Variants in MYH14 observed in about 807,000 individuals in gnomAD.
The protein encoded by MYH14 is myosin heavy chain 14.
Under a neutral mutation model 255.5 loss-of-function variants are expected in MYH14, and 123 were observed. The ratio of observed to expected loss-of-function variants is 0.48; its 90% CI spans 0.42 to 0.56. The LOEUF is 0.56. MYH14 is among the 20% of genes least tolerant of loss of function. The pLI, the probability that MYH14 is intolerant of heterozygous loss-of-function variation, is 0.00. For missense variants in MYH14, 2,423 were observed against 2,802.3 expected (o/e 0.86, Z 3.06); for synonymous variants, 1,095 against 1,161.2 (o/e 0.94, Z 1.16).
chr19:50,230,937 TCTC>T lies in MYH14; in HGVS notation c.973+318_973+320del, dbSNP rs2033351651. 2 of 356,018 alleles carry T rather than the reference TCTC, an allele frequency of 5.6e-6. No homozygotes were observed. The highest frequency in any genetic ancestry group is 2.1e-5 in the African/African-American group (1 of 47,730). The allele number at this position is 356,018 out of a possible 1,614,324, so 22.1% of individuals were successfully genotyped here. A position where few individuals can be genotyped will look rare whatever the true frequency, so the allele number is the denominator to read the frequency against. ...TCCGTGGCTTCTCTCTCGCGCGGCT[TCTC>T]CTCACTCCGGCGGGTGACTCCGGCT... On this transcript the variant is annotated intron_variant, in intron 9 of 42. Coordinates refer to ENST00000642316, the MANE Select transcript of MYH14 (RefSeq NM_001145809.2). The surrounding 1 kb of genome is among the most constrained non-coding windows in gnomAD (Gnocchi z 4.7).
At chr19:50,224,908 C>T (rs1443476986) in intron 6 of MYH14, 1 of 452,706 alleles carries the variant, frequency 2.2e-6, no homozygotes, top group Non-Finnish European at 4.4e-6. Flanking sequence ...AGTTCAAGAC[C>T]AGGCTAGGCA....
At chr19:50,247,268 C>A in intron 12 of MYH14, 146 bp downstream of exon 12, 1 of 615,572 alleles carries the variant, frequency 1.6e-6, no homozygotes, top group African/African-American at 1.8e-5. Flanking sequence ...AGGTGCCAGG[C>A]GTAAAAGCAG....
intron 10 of MYH14, among the ~76,000 whole-genome samples, chr19:50,237,875 A>G (rs1395485796): frequency 6.6e-6 from 1 of 152,170 alleles, no homozygotes; most frequent in Non-Finnish European, 1.5e-5. Context: ...CAAGAGACAG[A>G]GGGTCAGGGA....
intron 3 of MYH14, among the ~76,000 whole-genome samples, chr19:50,220,646 G>A (rs117021614): frequency 0.018 from 2,785 of 151,850 alleles, 43 homozygotes; most frequent in Middle Eastern, 0.031. Context: ...ACCTCCTCCC[G>A]GGTTCAAGCC....
Position 50,226,970 on chromosome 19 carries a change from T to C in MYH14, c.874+4T>C, listed in dbSNP as rs768851131. 3 of 1,613,544 alleles carry C rather than the reference T, an allele frequency of 1.9e-6. No homozygotes were observed. Among genetic ancestry groups the C allele is most frequent in the Non-Finnish European group, 2.5e-6 (3 of 1,179,724 alleles). On this transcript the variant is annotated splice_donor_region_variant and intron_variant, in intron 8 of 42. Transcript: ENST00000642316. ...GTGGGCGCCAACATTGAGACCTGTA[T>C]CCTCTCACAGCCCATGGGGGTGGCA...
chr19:50,267,267 G>A lies in MYH14; in HGVS notation c.2826+259G>A, dbSNP rs945446755. Among the ~76,000 whole-genome samples the A allele has an allele frequency of 4.0e-5, 6 of 149,784 alleles. No individual in the cohort carries two copies. The South Asian group carries it at 1.3e-3, about 33-fold the overall frequency. ...TATGGGCCGGGTAGGGGTGGGGTGG[G>A]AGAGTCCTGCAGAGCCAGAATGGAG... On this transcript the variant is annotated intron_variant, in intron 23 of 42. Coordinates refer to ENST00000642316, the MANE Select transcript of MYH14 (RefSeq NM_001145809.2).
chr19:50,207,251 G>GAGAA (rs2031822207), intron 1 of MYH14, among the ~76,000 whole-genome samples: 7 of 128,962 alleles, frequency 5.4e-5, no homozygotes, highest in East Asian at 6.2e-4. Flanking sequence ...GAGAGAGAGA[G>GAGAA]AGAGAAAGAG....
intron 41 of MYH14, 92 bp from the exon 42 acceptor site, chr19:50,308,913 G>T: frequency 8.1e-7 from 1 of 1,232,422 alleles, no homozygotes; most frequent in South Asian, 1.5e-5. Flanking sequence ...GAGTCAGGGG[G>T]CAGTAGGGAT....
At chr19:50,258,998 C>A in intron 18 of MYH14, 146 bp from the exon 19 acceptor site, 2 of 1,088,130 alleles carry the variant, frequency 1.8e-6, no homozygotes, top group South Asian at 1.8e-5. Context: ...TTGAGCATTG[C>A]TGTCTTCCCA....
intron 33 of MYH14, among the ~76,000 whole-genome samples, chr19:50,283,071 A>T (rs2035778581): frequency 6.6e-6 from 1 of 152,018 alleles, no homozygotes; most frequent in Admixed American, 6.6e-5. Flanking sequence ...GGAATTTTAT[A>T]TAAATTATTT....
In MYH14 at chr19:50,210,910, C is replaced by T; in HGVS notation, c.405+140C>T. ...TGTCCCGTGACTGTTCCTACACTTA[C>T]ATGGTTGCCAAATTATGAATTGTTG... On this transcript the variant is annotated intron_variant, in intron 2 of 42. Transcript: ENST00000642316. The T allele has an allele frequency of 2.2e-6, 3 of 1,388,108 alleles. No homozygotes were observed. In the South Asian group the frequency reaches 4.6e-5, roughly 21 times the overall value. 86.0% of individuals were successfully genotyped at this position (1,388,108 alleles called of 1,614,324 possible). A position where few individuals can be genotyped will look rare whatever the true frequency, so the allele number is the denominator to read the frequency against.
Position 50,255,296 on chromosome 19 carries a change from C to G in MYH14, c.2022C>G (p.Ser674Arg), listed in dbSNP as rs754718618. ...PSPPGSAERC[S>R]SAISPPGVEG... ...CCCCAGGATCTGCAGAGAGGTGCAG[C>G]TCTGCTATTTCTCCGCCAGGGGGTG... is the stretch of plus-strand genomic sequence containing the variant. The change falls in exon 17 of 43, where the codon AGC (serine) becomes AGG (arginine). Residue 674 changes from serine (S) to arginine (R), a missense_variant. By Grantham distance (110) the Ser-to-Arg change is moderately radical. Transcript: ENST00000642316. 3.9e-6 allele frequency: 6 copies of G among 1,551,206 alleles called. No homozygotes were observed. Among genetic ancestry groups the G allele is most frequent in the Non-Finnish European group, 4.4e-6 (5 of 1,146,936 alleles).
At chr19:50,233,372 G>A (rs2033501381) in intron 10 of MYH14, among the ~76,000 whole-genome samples, 1 of 152,100 alleles carries the variant, frequency 6.6e-6, no homozygotes, top group African/African-American at 2.4e-5. Context: ...GTTTCACCAT[G>A]TTGGCCAGGC....
At chr19:50,264,400 A>C (rs934656678) in intron 22 of MYH14, among the ~76,000 whole-genome samples, 7 of 152,110 alleles carry the variant, frequency 4.6e-5, no homozygotes, top group African/African-American at 1.7e-4. Context: ...GTTAGCATAG[A>C]CTATCCAGGG....
At chr19:50,270,425 C>T (rs2035251526) in intron 24 of MYH14, among the ~76,000 whole-genome samples, 1 of 148,874 alleles carries the variant, frequency 6.7e-6, no homozygotes, top group Admixed American at 6.8e-5. Context: ...GAGGCTGAGG[C>T]AGGAAAGTCA....
chr19:50,241,997 G>A (rs893651932), intron 10 of MYH14, among the ~76,000 whole-genome samples: 3 of 152,226 alleles, frequency 2.0e-5, no homozygotes, highest in African/African-American at 7.2e-5. Context: ...AAACACTGCT[G>A]TATTTATACG....
Position 50,276,311 on chromosome 19 carries a change from TG to T in MYH14, c.3680+109del. The T allele has an allele frequency of 1.1e-6, 1 of 937,846 alleles. No homozygotes were observed. Among genetic ancestry groups the T allele is most frequent in the South Asian group, 1.8e-5 (1 of 55,008 alleles). 58.1% of individuals were successfully genotyped at this position (937,846 alleles called of 1,614,324 possible). A position where few individuals can be genotyped will look rare whatever the true frequency, so the allele number is the denominator to read the frequency against. The stretch of plus-strand genomic sequence containing the variant: ...TACAGAGGCTTACTTATTGTACAGT[TG>T]TTCATGAACCACCGGCTCTAGGTCC... On this transcript the variant is annotated intron_variant, in intron 28 of 42. Transcript: ENST00000642316. This position sits in a 1 kb window ranked among gnomAD's most constrained non-coding sequence, Gnocchi z 4.3.
chr19:50,279,952 G>C (rs2035649579), intron 30 of MYH14, 85 bp from the exon 31 acceptor site: 1 of 950,154 alleles, frequency 1.1e-6, no homozygotes, highest in African/African-American at 1.6e-5. Context: ...TCACATTCCT[G>C]CCAGTGTGGT....
intron 26 of MYH14, among the ~76,000 whole-genome samples, chr19:50,272,212 CTG>C (rs1254906002): frequency 6.6e-6 from 1 of 152,202 alleles, no homozygotes; most frequent in Non-Finnish European, 1.5e-5. Context: ...GTCCCACTGT[CTG>C]TCTGTTTCAG....
Sources: allele counts gnomAD v4.1 joint callset (sites outside exome capture counted in the v4.1 genomes callset), GRCh38; gene constraint gnomAD v4.1.1; non-coding constraint Gnocchi (gnomAD v3.1); transcripts MANE v1.5; gene names NCBI Gene and HGNC (gene_info 2026-07-23, HGNC 2026-07-21).